The following CCL26 variants were observed in gnomAD, a reference collection of about 807,000 sequenced individuals.
CCL26 encodes C-C motif chemokine 26.
A neutral mutation model predicts 10.7 loss-of-function variants in CCL26; 10 were observed. The observed-to-expected ratio is 0.93, with a 90% CI of 0.57 to 1.58. The LOEUF is 1.58. CCL26 is among the 40% of genes most tolerant of loss of function. CCL26 has a pLI of 0.00. For missense variants in CCL26, 116 were observed against 111.0 expected, an observed-to-expected ratio of 1.05 and a Z score of -0.20; for synonymous variants, 43 against 41.4, an observed-to-expected ratio of 1.04 and a Z score of -0.15.
upstream of CCL26, among the ~76,000 whole-genome samples, chr7:75,790,061 TTCTTTCCC>T (rs1803290937): frequency 7.2e-6 from 1 of 138,570 alleles, no homozygotes; most frequent in Non-Finnish European, 1.6e-5. Flanking sequence ...CTCTCTTTCT[TTCTTTCCC>T]TTCTTTTCTT....
upstream of CCL26, among the ~76,000 whole-genome samples, chr7:75,773,416 T>C (rs782014890): frequency 6.7e-5 from 10 of 150,026 alleles, no homozygotes; most frequent in Non-Finnish European, 1.3e-4. Context: ...AGACCAAGAC[T>C]GTCTCAAAAA....
chr7:75,791,570 C>A (rs910423611), upstream of CCL26, among the ~76,000 whole-genome samples: 5 of 152,214 alleles, frequency 3.3e-5, no homozygotes, highest in African/African-American at 9.6e-5. Context: ...GGGCTTCCCA[C>A]TTCTCGGCCT....
rs782615397 is a variant in CCL26 at position 75,772,013 on chromosome 7, A to G, written c.74-10T>C. ...GATATGTCACTCCCACCTAAAAATC[A>G]GGGAGAGGAAGGGTTTGGAGATACT... On this transcript the variant is annotated splice_polypyrimidine_tract_variant and intron_variant, in intron 1 of 2. Coordinates refer to ENST00000005180, the MANE Select transcript of CCL26 (RefSeq NM_001371938.1). 5 of 1,608,640 alleles carry G rather than the reference A, an allele frequency of 3.1e-6. No individual in the cohort carries two copies. The highest frequency in any genetic ancestry group is 4.3e-6 in the Non-Finnish European group (5 of 1,174,954).
upstream of CCL26, among the ~76,000 whole-genome samples, chr7:75,772,665 A>AC (rs200002859): frequency 0.16 from 24,175 of 149,548 alleles, 2,546 homozygotes; most frequent in East Asian, 0.27. Flanking sequence ...AAAAAAAAAA[A>AC]AAACAAACAA....
intron 1 of CCL26, 24 bp downstream of exon 1, chr7:75,772,080 G>T: frequency 3.7e-6 from 6 of 1,604,076 alleles, no homozygotes; most frequent in Non-Finnish European, 5.1e-6. Flanking sequence ...GGAACCCCAG[G>T]AGGGGAATGG....
At chr7:75,779,915 G>T (rs1021918256) in intron 1 of CCL26, among the ~76,000 whole-genome samples, 1 of 151,532 alleles carries the variant, frequency 6.6e-6, no homozygotes, top group Non-Finnish European at 1.5e-5. Context: ...ACTTTCCTGG[G>T]GGGCAAGCAC....
intron 1 of CCL26, among the ~76,000 whole-genome samples, chr7:75,781,347 G>A (rs1803056648): frequency 6.6e-6 from 1 of 152,194 alleles, no homozygotes. Context: ...CACATCTCCA[G>A]CACACAAGAA....
chr7:75,780,890 C>T (rs782487867), intron 1 of CCL26, among the ~76,000 whole-genome samples: 7 of 152,156 alleles, frequency 4.6e-5, no homozygotes, highest in South Asian at 2.1e-4. Context: ...ACACCCCGTC[C>T]GGCTTACAGT....
rs782151978 is a variant in CCL26, at chr7:75,772,031, G to A, written c.74-28C>T. On this transcript the variant is annotated intron_variant, in intron 1 of 2. Transcript: ENST00000005180. ...AAAAATCAGGGAGAGGAAGGGTTTGGAGATACTCATTTCCATCCACTCCCA... is the reference window on the plus strand; with the variant it reads ...AAAAATCAGGGAGAGGAAGGGTTTGAAGATACTCATTTCCATCCACTCCCA... The A allele has an allele frequency of 4.8e-5, 77 of 1,605,944 alleles. 1 individual carries two copies. The South Asian group carries it at 8.2e-4, about 17-fold the overall frequency.
intron 2 of CCL26, among the ~76,000 whole-genome samples, chr7:75,770,456 A>G (rs1350172045): frequency 2.8e-5 from 4 of 143,746 alleles, no homozygotes; most frequent in Non-Finnish European, 6.1e-5. Flanking sequence ...ATCTCGGCTC[A>G]CCACAACCTC....
chr7:75,771,860 C>A (rs1554528113), intron 2 of CCL26, 29 bp downstream of exon 2: 12 of 1,521,774 alleles, frequency 7.9e-6, no homozygotes, highest in Non-Finnish European at 1.1e-5. Context: ...CTGATGGGGC[C>A]CCAGAAAGTA....
At chr7:75,791,276 C>T (rs1400432301), upstream of CCL26, among the ~76,000 whole-genome samples, 1 of 152,140 alleles carries the variant, frequency 6.6e-6, no homozygotes, top group Non-Finnish European at 1.5e-5. Context: ...CCACCCGCCT[C>T]AGCTCCCAAA....
chr7:75,776,893 A>C (rs1268302074), upstream of CCL26, among the ~76,000 whole-genome samples: 1 of 151,912 alleles, frequency 6.6e-6, no homozygotes, highest in Non-Finnish European at 1.5e-5. Context: ...ACATATGCAC[A>C]CTCTATAATC....
intron 2 of CCL26, among the ~76,000 whole-genome samples, chr7:75,770,403 C>T (rs1336435908): frequency 7.4e-5 from 11 of 149,154 alleles, no homozygotes; most frequent in Non-Finnish European, 1.0e-4. Context: ...TTTTTTGAGA[C>T]GGAGTTTCAC....
intron 2 of CCL26, among the ~76,000 whole-genome samples, chr7:75,770,682 A>T (rs1802801764): frequency 6.8e-6 from 1 of 146,758 alleles, no homozygotes; most frequent in Non-Finnish European, 1.5e-5. Flanking sequence ...CGCCCGGCCT[A>T]TTTTATTTTT....
At chr7:75,769,923 C>G (rs1802785587) in intron 2 of CCL26, 134 bp from the exon 3 acceptor site, 1 of 611,422 alleles carries the variant, frequency 1.6e-6, no homozygotes, top group Non-Finnish European at 3.0e-6. Context: ...TGTCCCTGTC[C>G]CCTCTTCTCC....
rs782622529 is a variant in CCL26, at chr7:75,772,138, G to T, written c.39C>A (p.Ala13=). The change falls in exon 1 of 3, where the codon GCC becomes GCA. Residue 13 remains alanine (A), a synonymous_variant. Coordinates refer to ENST00000005180, the MANE Select transcript of CCL26 (RefSeq NM_001371938.1). ...GLSLASAVLL[A]SLLSLHLGTA... Reference sequence around the variant, plus strand: ...TTCCAAGGTGGAGACTCAGGAGGGAGGCCAGGAGCACAGCAGAGGCCAAGG... The same window carrying T: ...TTCCAAGGTGGAGACTCAGGAGGGATGCCAGGAGCACAGCAGAGGCCAAGG... The T allele has an allele frequency of 3.2e-6, 5 of 1,559,476 alleles. No homozygotes were observed. The Admixed American group carries it at 9.7e-5, about 30-fold the overall frequency.
At chr7:75,787,173 G>A (rs566345980) in intron 1 of CCL26, among the ~76,000 whole-genome samples, 1 of 152,228 alleles carries the variant, frequency 6.6e-6, no homozygotes, top group South Asian at 2.1e-4. Context: ...CTTCCCTTCT[G>A]TCAGACGTAA....
Position 75,772,047 on chromosome 7 carries a change from T to A in CCL26, c.74-44A>T, listed in dbSNP as rs372443636. 250 of 1,605,060 alleles carry A rather than the reference T, an allele frequency of 1.6e-4. No individual in the cohort carries two copies. In the East Asian group the frequency reaches 3.1e-3, roughly 20 times the overall value. On this transcript the variant is annotated intron_variant, in intron 1 of 2. Transcript: ENST00000005180. Reference sequence around the variant, plus strand: ...AAGGGTTTGGAGATACTCATTTCCATCCACTCCCAGGCGGTCCGGGAAGGA... The same window carrying A: ...AAGGGTTTGGAGATACTCATTTCCAACCACTCCCAGGCGGTCCGGGAAGGA...
Sources: gnomAD v4.1 joint callset for allele counts (sites outside exome capture counted in the v4.1 genomes callset) on GRCh38, gnomAD v4.1.1 for gene constraint, MANE v1.5 for transcripts, NCBI Gene and HGNC (gene_info 2026-07-23, HGNC 2026-07-21) for gene names.